Variants in BAIAP2L1 observed in about 807,000 individuals in gnomAD.
BAIAP2L1 encodes BAR/IMD domain containing adaptor protein 2 like 1, also known as BAR/IMD domain-containing adapter protein 2-like 1.
Under a neutral mutation model 66.3 loss-of-function variants are expected in BAIAP2L1, and 35 were observed. The observed-to-expected ratio is 0.53, with a 90% CI of 0.40 to 0.70. The LOEUF (loss-of-function observed/expected upper bound fraction) is 0.70. Among genes scored for constraint, BAIAP2L1 ranks in the 30% least tolerant of loss-of-function variants. The pLI, the probability that BAIAP2L1 is intolerant of heterozygous loss-of-function variation, is 0.00. For missense variants in BAIAP2L1, 622 were observed against 656.9 expected (o/e 0.95, Z 0.58); for synonymous variants, 269 against 248.7 (o/e 1.08, Z -0.77).
intron 5 of BAIAP2L1, among the ~76,000 whole-genome samples, chr7:98,319,847 GGCCCCTAT>G (rs1230389875): frequency 2.0e-5 from 3 of 152,152 alleles, no homozygotes; most frequent in Non-Finnish European, 2.9e-5. Flanking sequence ...CACCGCACCT[GGCCCCTAT>G]GCTTTCTAAT....
chr7:98,396,926 C>T (rs775453343), intron 1 of BAIAP2L1, among the ~76,000 whole-genome samples: 34 of 152,356 alleles, frequency 2.2e-4, no homozygotes, highest in Non-Finnish European at 4.7e-4. Context: ...GTGCTTCACA[C>T]ATTAAATGGA....
intron 11 of BAIAP2L1, 75 bp from the exon 12 acceptor site, chr7:98,304,451 G>T: frequency 6.8e-7 from 1 of 1,469,976 alleles, no homozygotes; most frequent in South Asian, 1.2e-5. Flanking sequence ...CTGTGTCCCT[G>T]ACCAAGGACA....
intron 1 of BAIAP2L1, among the ~76,000 whole-genome samples, chr7:98,392,149 G>A (rs1803060833): frequency 7.3e-6 from 1 of 136,522 alleles, no homozygotes; most frequent in South Asian, 2.3e-4. Flanking sequence ...CCTGGGCAAT[G>A]TAGCAAGACC....
At chr7:98,348,434 G>A (rs1000604152) in intron 3 of BAIAP2L1, among the ~76,000 whole-genome samples, 1 of 151,798 alleles carries the variant, frequency 6.6e-6, no homozygotes, top group African/African-American at 2.4e-5. Context: ...GGGCATGGTG[G>A]TGGGCACCTA....
At chr7:98,387,606 T>C (rs1173086049) in intron 1 of BAIAP2L1, among the ~76,000 whole-genome samples, 1 of 151,900 alleles carries the variant, frequency 6.6e-6, no homozygotes, top group Non-Finnish European at 1.5e-5. Context: ...ATGCCTTTAA[T>C]CCCAGCACTT....
At chr7:98,300,717 G>A (rs1351312707) in intron 12 of BAIAP2L1, among the ~76,000 whole-genome samples, 1 of 152,092 alleles carries the variant, frequency 6.6e-6, no homozygotes, top group Non-Finnish European at 1.5e-5. Context: ...GGGTGTGAAG[G>A]TACGAAAGAC....
rs543402978 is a variant in BAIAP2L1 at position 98,313,792 on chromosome 7, C to CTT, written c.640-1530_640-1529dup. The stretch of plus-strand genomic sequence containing the variant: ...CATCACCACAACTGGCTAATTAAAA[C>CTT]TTTTTTTTTTTTTTTTTGGTAGAGA... On this transcript the variant is annotated intron_variant, in intron 7 of 13. Transcript: ENST00000005260. 2.9e-3 allele frequency among the ~76,000 whole-genome samples: 388 copies of CTT among 132,970 alleles called. 3 individuals are homozygous for CTT. Among genetic ancestry groups the CTT allele is most frequent in the African/African-American group, 9.4e-3 (343 of 36,446 alleles). The allele number at this position is 132,970 out of a possible 152,430, so 87.2% of individuals were successfully genotyped here.
chr7:98,336,509 G>T (rs11769950), intron 3 of BAIAP2L1, among the ~76,000 whole-genome samples: 5 of 152,004 alleles, frequency 3.3e-5, no homozygotes, highest in African/African-American at 1.2e-4. Context: ...CCAGCTACTT[G>T]GGAGGCTGAG....
chr7:98,297,049 C>T lies in BAIAP2L1; in HGVS notation c.1423-2938G>A, dbSNP rs11976231. ...CCCGCGGGCACTGCCTGCTGCATGT[C>T]CTGTGTCCCCAACAAGACAGGAGAC... is the stretch of plus-strand genomic sequence containing the variant. On this transcript the variant is annotated intron_variant, in intron 12 of 13. Transcript: ENST00000005260. 8.3e-3 allele frequency among the ~76,000 whole-genome samples: 1,267 copies of T among 152,350 alleles called. 16 individuals are homozygous for T. The highest frequency in any genetic ancestry group is 0.029 in the African/African-American group (1,207 of 41,588).
At chr7:98,393,640 G>A (rs1480802935) in intron 1 of BAIAP2L1, among the ~76,000 whole-genome samples, 3 of 151,776 alleles carry the variant, frequency 2.0e-5, no homozygotes, top group South Asian at 4.2e-4. Flanking sequence ...TGGGACTACA[G>A]CCTCCCGCCA....
At chr7:98,398,694 A>G (rs1324806515) in intron 1 of BAIAP2L1, among the ~76,000 whole-genome samples, 1 of 152,160 alleles carries the variant, frequency 6.6e-6, no homozygotes. Context: ...TTGGGTAATA[A>G]GACATGCCCA....
chr7:98,294,037 G>A (rs1584408033), intron 13 of BAIAP2L1, 37 bp downstream of exon 13: 4 of 1,609,388 alleles, frequency 2.5e-6, no homozygotes, highest in East Asian at 4.5e-5. Context: ...GAAGAGCAAT[G>A]TCACACACTG....
intron 1 of BAIAP2L1, among the ~76,000 whole-genome samples, chr7:98,393,624 A>T (rs1803125726): frequency 6.6e-6 from 1 of 151,670 alleles, no homozygotes; most frequent in South Asian, 2.1e-4. Context: ...CAGCCTCCCG[A>T]GTAGCTGGGA....
At chr7:98,306,598 A>G (rs747731963) in intron 10 of BAIAP2L1, 82 bp from the exon 11 acceptor site, 1 of 1,591,458 alleles carries the variant, frequency 6.3e-7, no homozygotes, top group Admixed American at 1.7e-5. Context: ...GTGAGAGCTC[A>G]GGGCAGACAG....
At chr7:98,299,267 C>T (rs774287924) in intron 12 of BAIAP2L1, among the ~76,000 whole-genome samples, 4 of 152,102 alleles carry the variant, frequency 2.6e-5, no homozygotes, top group Non-Finnish European at 4.4e-5. Flanking sequence ...GATCCACCTG[C>T]CTCGGCCTCC....
At position 98,307,753 on chromosome 7, in the gene BAIAP2L1, T is replaced by C. The variant is rs753042967; in HGVS notation, c.1099A>G (p.Ile367Val). 1.1e-5 allele frequency: 17 copies of C among 1,614,156 alleles called. No individual in the cohort carries two copies. The highest frequency in any genetic ancestry group is 3.3e-4 in the Middle Eastern group (2 of 6,084). ...TTCTCCTCGGGGATGAGCAGCGTGA[T>C]GACATCTCCCTGTGCAAAGCTGAGT... The part of the protein sequence containing the change: ...TLLSFAQGDV[I>V]TLLIPEEKDG... The change falls in exon 10 of 14, where the codon ATC becomes GTC. Residue 367 changes from isoleucine to valine, a missense_variant. Coordinates refer to ENST00000005260, the MANE Select transcript of BAIAP2L1 (RefSeq NM_018842.5).
chr7:98,380,802 C>T (rs1249695061), intron 1 of BAIAP2L1, among the ~76,000 whole-genome samples: 2 of 150,656 alleles, frequency 1.3e-5, no homozygotes, highest in Middle Eastern at 3.4e-3. Flanking sequence ...CCACCACCAT[C>T]GCCACCACCC....
intron 1 of BAIAP2L1, among the ~76,000 whole-genome samples, chr7:98,387,484 T>C (rs1802922745): frequency 6.6e-6 from 1 of 152,214 alleles, no homozygotes; most frequent in African/African-American, 2.4e-5. Flanking sequence ...CAGTCACCCC[T>C]GTGTGATCAG....
Position 98,382,738 on chromosome 7 carries a change from C to T in BAIAP2L1, c.51+18064G>A, listed in dbSNP as rs566388397. Among the ~76,000 whole-genome samples, 18 of 152,252 alleles carry T rather than the reference C, an allele frequency of 1.2e-4. No individual in the cohort carries two copies. In the South Asian group the frequency reaches 3.3e-3, roughly 28 times the overall value. ...GCTATCAAACTTTGGAACAATGTCT[C>T]GTCCACACCGGCCTCCATCAGATGA... On this transcript the variant is annotated intron_variant, in intron 1 of 13. Coordinates refer to ENST00000005260, the MANE Select transcript of BAIAP2L1 (RefSeq NM_018842.5).
Sources: gnomAD v4.1 joint callset for allele counts (sites outside exome capture counted in the v4.1 genomes callset) on GRCh38, gnomAD v4.1.1 for gene constraint, MANE v1.5 for transcripts, NCBI Gene and HGNC (gene_info 2026-07-23, HGNC 2026-07-21) for gene names.